PRR16: variants seen among roughly 807,000 people sequenced by gnomAD.
PRR16 encodes the protein protein Largen.
A neutral mutation model predicts 18.2 loss-of-function variants in PRR16; 6 were observed. The ratio of observed to expected loss-of-function variants is 0.33; its 90% confidence interval spans 0.18 to 0.65. PRR16 has a LOEUF of 0.65. Among genes scored for constraint, PRR16 ranks in the 30% least tolerant of loss-of-function variants. The pLI is 0.74. For synonymous variants in PRR16, 151 were observed against 147.8 expected, an observed-to-expected ratio of 1.02 and a Z score of -0.16; for missense variants, 412 against 376.6, an observed-to-expected ratio of 1.09 and a Z score of -0.78.
intron 1 of PRR16, among the ~76,000 whole-genome samples, chr5:120,470,059 T>C (rs767425508): frequency 2.0e-5 from 3 of 152,168 alleles, no homozygotes; most frequent in Non-Finnish European, 4.4e-5. Flanking sequence ...TACTTAAATC[T>C]AAATGTAGGA....
At chr5:120,609,172 G>T (rs1180221134) in intron 1 of PRR16, among the ~76,000 whole-genome samples, 2 of 150,880 alleles carry the variant, frequency 1.3e-5, no homozygotes, top group African/African-American at 2.4e-5. Context: ...TTGGTATATT[G>T]CATTATTAAT....
At chr5:120,758,969 A>C in the PRR16 span, among the ~76,000 whole-genome samples, 1 of 135,174 alleles carries the variant, frequency 7.4e-6, no homozygotes, top group Non-Finnish European at 1.6e-5. Context: ...TTTGTACCAT[A>C]ATTTCTTTTT....
the PRR16 span, among the ~76,000 whole-genome samples, chr5:120,756,882 G>C: frequency 6.6e-6 from 1 of 152,078 alleles, no homozygotes; most frequent in East Asian, 1.9e-4. Flanking sequence ...ACAATATCCA[G>C]AATGGTATTC....
At chr5:120,473,275 C>T (rs1749328700) in intron 1 of PRR16, among the ~76,000 whole-genome samples, 1 of 152,028 alleles carries the variant, frequency 6.6e-6, no homozygotes. Flanking sequence ...CTCTTTATTG[C>T]ATAGCTCAAT....
chr5:120,487,894 T>C (rs1485148177), intron 1 of PRR16, among the ~76,000 whole-genome samples: 5 of 152,230 alleles, frequency 3.3e-5, no homozygotes, highest in Non-Finnish European at 5.9e-5. Flanking sequence ...TTTCTGCATC[T>C]ATTGATATAA....
intron 1 of PRR16, among the ~76,000 whole-genome samples, chr5:120,654,157 C>T (rs1312077548): frequency 6.6e-6 from 1 of 151,910 alleles, no homozygotes; most frequent in Admixed American, 6.6e-5. Context: ...ATTTGCTGCC[C>T]CTTCTCCCTT....
At chr5:120,487,964 A>G (rs1250399480) in intron 1 of PRR16, among the ~76,000 whole-genome samples, 2 of 152,112 alleles carry the variant, frequency 1.3e-5, no homozygotes, top group African/African-American at 4.8e-5. Context: ...TGATTTGTGT[A>G]TGTTGAACCA....
At chr5:120,485,424 C>A (rs755051744) in intron 1 of PRR16, among the ~76,000 whole-genome samples, 2 of 152,150 alleles carry the variant, frequency 1.3e-5, no homozygotes, top group Non-Finnish European at 2.9e-5. Context: ...GTTTCTTAGA[C>A]GCATTTTGGT....
the PRR16 span, among the ~76,000 whole-genome samples, chr5:120,776,125 G>A: frequency 6.6e-6 from 1 of 152,038 alleles, no homozygotes; most frequent in African/African-American, 2.4e-5. Flanking sequence ...GAGTCTAGGG[G>A]CTAACTACAT....
chr5:120,533,028 T>TC (rs1317294482), intron 1 of PRR16, among the ~76,000 whole-genome samples: 1 of 152,246 alleles, frequency 6.6e-6, no homozygotes, highest in Admixed American at 6.5e-5. Flanking sequence ...TGCTTTTGCA[T>TC]CCCCCCTTCA....
At chr5:120,591,871 C>A (rs1282742347) in intron 1 of PRR16, among the ~76,000 whole-genome samples, 1 of 151,992 alleles carries the variant, frequency 6.6e-6, no homozygotes, top group Non-Finnish European at 1.5e-5. Context: ...CTTGAATCTT[C>A]GAAAGTACCA....
intron 1 of PRR16, among the ~76,000 whole-genome samples, chr5:120,504,636 G>T (rs767064833): frequency 1.8e-4 from 28 of 152,148 alleles, no homozygotes; most frequent in Non-Finnish European, 3.4e-4. Flanking sequence ...GGAAGAAAAT[G>T]ATGTGGTCAG....
chr5:120,713,750 T>C, the PRR16 span, among the ~76,000 whole-genome samples: 8,630 of 152,228 alleles, frequency 0.057, 314 homozygotes, highest in South Asian at 0.083. Flanking sequence ...ATGATAATTT[T>C]AAGGTTAATA....
chr5:120,562,112 T>C (rs1752594236), intron 1 of PRR16, among the ~76,000 whole-genome samples: 1 of 152,164 alleles, frequency 6.6e-6, no homozygotes, highest in African/African-American at 2.4e-5. Context: ...TCGAAGTCTA[T>C]CTCTCTCTTT....
chr5:120,679,960 G>A (rs116697886), intron 1 of PRR16, among the ~76,000 whole-genome samples: 350 of 152,196 alleles, frequency 2.3e-3, no homozygotes, highest in African/African-American at 7.9e-3. Flanking sequence ...ATATTGTATT[G>A]TATTCAGGAT....
chr5:120,641,158 A>G (rs1755409760), intron 1 of PRR16, among the ~76,000 whole-genome samples: 1 of 152,160 alleles, frequency 6.6e-6, no homozygotes, highest in Non-Finnish European at 1.5e-5. Flanking sequence ...AGGCAATAGC[A>G]AATATGACTT....
At chr5:120,776,882 G>T in the PRR16 span, among the ~76,000 whole-genome samples, 3 of 151,956 alleles carry the variant, frequency 2.0e-5, no homozygotes, top group Admixed American at 6.6e-5. Flanking sequence ...TTGATTAAAG[G>T]TTTATGCAGT....
chr5:120,580,860 C>T (rs989847344), intron 1 of PRR16, among the ~76,000 whole-genome samples: 2 of 152,178 alleles, frequency 1.3e-5, no homozygotes, highest in African/African-American at 2.4e-5. Flanking sequence ...AGCCTTGCAT[C>T]CCAGGGATGA....
At chr5:120,604,440 T>A (rs768479931) in intron 1 of PRR16, among the ~76,000 whole-genome samples, 1 of 152,106 alleles carries the variant, frequency 6.6e-6, no homozygotes, top group Non-Finnish European at 1.5e-5. Flanking sequence ...GCCTGTAGGG[T>A]CACTGCAGAT....
Sources: gnomAD v4.1 joint callset for allele counts (sites outside exome capture counted in the v4.1 genomes callset) on GRCh38, gnomAD v4.1.1 for gene constraint, MANE v1.5 for transcripts, NCBI Gene and HGNC (gene_info 2026-07-23, HGNC 2026-07-21) for gene names.